FRMD4B: variants seen among roughly 807,000 people sequenced by gnomAD.
FRMD4B encodes the protein FERM domain containing 4B, also known as FERM domain-containing protein 4B.
In FRMD4B, 74 loss-of-function variants were observed where a neutral mutation model predicts 141.5. The ratio of observed to expected loss-of-function variants is 0.52; its 90% CI spans 0.43 to 0.63. The LOEUF (loss-of-function observed/expected upper bound fraction) is 0.63, where lower values mean the gene tolerates loss of function less well. Among genes scored for constraint, FRMD4B ranks in the 30% least tolerant of loss-of-function variants. FRMD4B has a pLI of 0.00. For synonymous variants in FRMD4B, 506 were observed against 467.9 expected (o/e 1.08, Z -1.05); for missense variants, 1,366 against 1,253.4 (o/e 1.09, Z -1.36).
chr3:69,169,591 A>T lies in FRMD4B; in HGVS notation c.*2270T>A, dbSNP rs1045464300. On this transcript the variant is annotated 3_prime_UTR_variant, in exon 23 of 23. Transcript: ENST00000398540. ...AGGCTGGTCTTGAACTCCTGAGCTC[A>T]AGCAATCCTCCCACTTCGGCCTCCC... Among the ~76,000 whole-genome samples, 1 of 152,028 alleles carries T rather than the reference A, an allele frequency of 6.6e-6. No individual in the cohort carries two copies. The highest frequency in any genetic ancestry group is 2.4e-5 in the African/African-American group (1 of 41,390).
At chr3:69,409,527 CCAG>C (rs1386521176) in intron 2 of FRMD4B, among the ~76,000 whole-genome samples, 1 of 152,156 alleles carries the variant, frequency 6.6e-6, no homozygotes, top group Non-Finnish European at 1.5e-5. Flanking sequence ...ATAGTGGCCA[CCAG>C]CATTCACCCT....
chr3:69,261,158 C>T (rs1209622368), intron 5 of FRMD4B, among the ~76,000 whole-genome samples: 7 of 152,176 alleles, frequency 4.6e-5, no homozygotes, highest in Admixed American at 4.6e-4. Context: ...CTCTTTGGGT[C>T]CACACCACCT....
intron 5 of FRMD4B, among the ~76,000 whole-genome samples, chr3:69,260,552 C>A (rs1057261216): frequency 2.0e-5 from 3 of 152,252 alleles, no homozygotes; most frequent in African/African-American, 7.2e-5. Flanking sequence ...TGCCTGAGCC[C>A]CCCCTTGGTG....
intron 5 of FRMD4B, among the ~76,000 whole-genome samples, chr3:69,252,551 G>A (rs2106797736): frequency 6.6e-6 from 1 of 152,308 alleles, no homozygotes; most frequent in African/African-American, 2.4e-5. Context: ...CAAATTTTGA[G>A]TCCTAATACT....
intron 1 of FRMD4B, among the ~76,000 whole-genome samples, chr3:69,485,261 C>T (rs568472192): frequency 9.2e-5 from 14 of 152,272 alleles, no homozygotes; most frequent in African/African-American, 2.9e-4. Context: ...AGCCAGGAGT[C>T]GGGGGAGGCC....
chr3:69,506,628 C>T (rs1706601678), intron 1 of FRMD4B, among the ~76,000 whole-genome samples: 2 of 152,106 alleles, frequency 1.3e-5, no homozygotes, highest in Admixed American at 6.5e-5. Flanking sequence ...CTCGACCTCC[C>T]TGGCTCAAGC....
chr3:69,279,668 T>C (rs1196621087), intron 5 of FRMD4B, among the ~76,000 whole-genome samples: 6 of 77,562 alleles, frequency 7.7e-5, no homozygotes, highest in Non-Finnish European at 8.1e-5. Context: ...TCCTCCTCCT[T>C]CTCCTCCTCC....
At chr3:69,367,452 T>C (rs996005882) in intron 1 of FRMD4B, among the ~76,000 whole-genome samples, 9 of 152,182 alleles carry the variant, frequency 5.9e-5, no homozygotes, top group African/African-American at 1.7e-4. Context: ...TACACATACA[T>C]ACATATATAC....
intron 2 of FRMD4B, among the ~76,000 whole-genome samples, chr3:69,396,496 C>T (rs1407664714): frequency 6.6e-6 from 1 of 150,528 alleles, no homozygotes; most frequent in Non-Finnish European, 1.5e-5. Context: ...CAGAGTGAGA[C>T]TCTGTCTCAT....
At chr3:69,405,030 C>T (rs748622774) in intron 2 of FRMD4B, among the ~76,000 whole-genome samples, 3 of 152,192 alleles carry the variant, frequency 2.0e-5, no homozygotes, top group Non-Finnish European at 4.4e-5. Flanking sequence ...CATCAGAGCT[C>T]TTTGCTCGCG....
At chr3:69,440,052 C>A (rs1289778477) in intron 1 of FRMD4B, among the ~76,000 whole-genome samples, 1 of 151,988 alleles carries the variant, frequency 6.6e-6, no homozygotes, top group East Asian at 1.9e-4. Flanking sequence ...TTTTATGGTG[C>A]CATGTTATGC....
At chr3:69,363,208 C>T (rs1703522815) in intron 1 of FRMD4B, among the ~76,000 whole-genome samples, 1 of 150,144 alleles carries the variant, frequency 6.7e-6, no homozygotes, top group Admixed American at 6.7e-5. Context: ...GAAGCTCTCA[C>T]ATCTCCACTC....
chr3:69,480,000 T>C (rs9848296), intron 1 of FRMD4B, among the ~76,000 whole-genome samples: 92,628 of 152,050 alleles, frequency 0.61, 28,906 homozygotes, highest in African/African-American at 0.74. Flanking sequence ...TGATTGCATC[T>C]GCTCCTGAGG....
Position 69,182,604 on chromosome 3 carries a change from T to C in FRMD4B, c.2033A>G (p.His678Arg), listed in dbSNP as rs779931582. 15 of 1,608,200 alleles carry C rather than the reference T, an allele frequency of 9.3e-6. 1 individual carries two copies. The highest frequency in any genetic ancestry group is 7.7e-5 in the South Asian group (7 of 90,456). ...VLTRNAYSSS[H>R]LEPESSSQHC... ...GAGAAAGAAGCTCTCTTACTCCAAGTGGCTGCTGCTGTAGGCGTTTCGGGT... is the reference window on the plus strand; with the variant it reads ...GAGAAAGAAGCTCTCTTACTCCAAGCGGCTGCTGCTGTAGGCGTTTCGGGT... The change falls in exon 20 of 23, where the codon CAC becomes CGC. Residue 678 changes from histidine to arginine, a missense_variant. By Grantham distance (29) the His-to-Arg change is conservative. Transcript: ENST00000398540.
chr3:69,434,986 C>T (rs752332526), intron 1 of FRMD4B, among the ~76,000 whole-genome samples: 9 of 152,170 alleles, frequency 5.9e-5, no homozygotes, highest in Non-Finnish European at 1.0e-4. Flanking sequence ...GGTCTTTCCT[C>T]TGTACCCAAA....
At chr3:69,485,842 G>A (rs1706206274) in intron 1 of FRMD4B, among the ~76,000 whole-genome samples, 1 of 152,256 alleles carries the variant, frequency 6.6e-6, no homozygotes, top group Non-Finnish European at 1.5e-5. Flanking sequence ...GTGTGGGGCT[G>A]TCCACCTCCC....
chr3:69,228,867 C>A (rs1410499617), intron 7 of FRMD4B, among the ~76,000 whole-genome samples: 1 of 151,366 alleles, frequency 6.6e-6, no homozygotes, highest in Non-Finnish European at 1.5e-5. Flanking sequence ...AGAGAAGATG[C>A]CTTCTCAGTT....
intron 5 of FRMD4B, among the ~76,000 whole-genome samples, chr3:69,270,957 C>G (rs2093591828): frequency 6.6e-6 from 1 of 152,198 alleles, no homozygotes; most frequent in Non-Finnish European, 1.5e-5. Flanking sequence ...TTTTCATTCA[C>G]TGGTGCTCAA....
intron 1 of FRMD4B, among the ~76,000 whole-genome samples, chr3:69,314,709 C>T (rs1375811533): frequency 1.4e-4 from 22 of 151,916 alleles, no homozygotes; most frequent in Admixed American, 1.4e-3. Flanking sequence ...GTGGTATGTG[C>T]CTGTAGTTCC....
Sources: allele counts gnomAD v4.1 joint callset (sites outside exome capture counted in the v4.1 genomes callset), GRCh38; gene constraint gnomAD v4.1.1; transcripts MANE v1.5; gene names NCBI Gene and HGNC (gene_info 2026-07-23, HGNC 2026-07-21).